Variants in BBS9 observed in about 807,000 individuals in gnomAD.
The protein encoded by BBS9 is protein PTHB1.
A neutral mutation model predicts 117.7 loss-of-function variants in BBS9; 89 were observed. The ratio of observed to expected loss-of-function variants is 0.76; its 90% CI spans 0.64 to 0.90. The LOEUF (loss-of-function observed/expected upper bound fraction) is 0.90. Ranked by LOEUF, BBS9 falls within the 40% of genes least tolerant of loss-of-function variation. The pLI, the probability that BBS9 is intolerant of heterozygous loss-of-function variation, is 0.00. For synonymous variants in BBS9, 379 were observed against 370.9 expected (o/e 1.02, Z -0.25); for missense variants, 982 against 1,042.2 (o/e 0.94, Z 0.80).
intron 19 of BBS9, among the ~76,000 whole-genome samples, chr7:33,418,988 C>T (rs912624851): frequency 4.6e-5 from 7 of 152,124 alleles, no homozygotes; most frequent in African/African-American, 1.7e-4. Flanking sequence ...TTTCTGCTCC[C>T]TGTAGCACTT....
Position 33,442,495 on chromosome 7 carries a change from T to C in BBS9, c.2115+54351T>C, listed in dbSNP as rs907898905. ...ACTTTGGAAACATTTCATCAAATTA[T>C]TACGTTTGTAGTGGAATTGAGGGGT... On this transcript the variant is annotated intron_variant, in intron 19 of 22. Transcript: ENST00000242067. Among the ~76,000 whole-genome samples, 25 of 152,336 alleles carry C rather than the reference T, an allele frequency of 1.6e-4. No individual in the cohort carries two copies. In the South Asian group the frequency reaches 5.0e-3, roughly 30 times the overall value.
intron 16 of BBS9, among the ~76,000 whole-genome samples, chr7:33,358,526 T>G (rs866870292): frequency 1.1e-4 from 17 of 151,914 alleles, no homozygotes; most frequent in South Asian, 2.1e-4. Flanking sequence ...GGGTTTCATA[T>G]TTAATGCTTC....
intron 12 of BBS9, among the ~76,000 whole-genome samples, chr7:33,346,580 C>CT (rs1817631894): frequency 6.6e-6 from 1 of 152,096 alleles, no homozygotes; most frequent in Non-Finnish European, 1.5e-5. Flanking sequence ...GTCTTTAACT[C>CT]TTTTTTGGCT....
At chr7:33,322,604 A>G (rs1256987355) in intron 9 of BBS9, among the ~76,000 whole-genome samples, 1 of 151,718 alleles carries the variant, frequency 6.6e-6, no homozygotes, top group East Asian at 1.9e-4. Flanking sequence ...TTAATCTCTG[A>G]TTTTACTTAT....
intron 5 of BBS9, among the ~76,000 whole-genome samples, chr7:33,201,115 C>T (rs2128210474): frequency 6.6e-6 from 1 of 152,086 alleles, no homozygotes; most frequent in East Asian, 1.9e-4. Context: ...GTTTTTTTCA[C>T]TCCTATTTGG....
intron 19 of BBS9, among the ~76,000 whole-genome samples, chr7:33,429,350 TC>T (rs1317955287): frequency 6.6e-6 from 1 of 152,176 alleles, no homozygotes; most frequent in African/African-American, 2.4e-5. Flanking sequence ...ACTCTGAATC[TC>T]CTTTTGCCTG....
At chr7:33,524,812 G>C (rs1381324199) in intron 20 of BBS9, among the ~76,000 whole-genome samples, 1 of 151,984 alleles carries the variant, frequency 6.6e-6, no homozygotes, top group East Asian at 1.9e-4. Flanking sequence ...GTTTGCTCTT[G>C]CTTTTCTAGT....
chr7:33,333,181 A>G (rs899084009), intron 9 of BBS9, among the ~76,000 whole-genome samples: 1 of 152,054 alleles, frequency 6.6e-6, no homozygotes. Context: ...ACTGTACCCA[A>G]TATATAGCCT....
intron 9 of BBS9, among the ~76,000 whole-genome samples, chr7:33,331,576 A>T (rs554739672): frequency 1.3e-5 from 2 of 151,264 alleles, no homozygotes; most frequent in Admixed American, 1.3e-4. Flanking sequence ...TACAAAATCA[A>T]TGTACGTAGA....
chr7:33,510,727 T>A (rs952466666), intron 20 of BBS9, among the ~76,000 whole-genome samples: 1 of 152,186 alleles, frequency 6.6e-6, no homozygotes, highest in African/African-American at 2.4e-5. Flanking sequence ...AGCTACCCAA[T>A]AGCCACATGT....
At chr7:33,513,122 A>C (rs1458493563) in intron 20 of BBS9, among the ~76,000 whole-genome samples, 3 of 151,404 alleles carry the variant, frequency 2.0e-5, no homozygotes, top group Admixed American at 1.3e-4. Context: ...ATTTTATGTG[A>C]CTCCCCGGCT....
intron 21 of BBS9, among the ~76,000 whole-genome samples, chr7:33,568,874 G>A (rs1431676233): frequency 1.3e-5 from 2 of 152,152 alleles, no homozygotes; most frequent in East Asian, 3.9e-4. Context: ...AAAGAGATTG[G>A]TTACCTATAG....
chr7:33,589,592 A>G (rs527606322), intron 21 of BBS9, among the ~76,000 whole-genome samples: 2 of 152,232 alleles, frequency 1.3e-5, no homozygotes, highest in South Asian at 2.1e-4. Flanking sequence ...TGTGAGAGGA[A>G]GAAGGGAATT....
rs554628054 is a variant in BBS9, at chr7:33,368,782, A to C, written c.1789+920A>C. 7.0e-4 allele frequency among the ~76,000 whole-genome samples: 107 copies of C among 152,280 alleles called. 2 individuals are homozygous for C. In the South Asian group the frequency reaches 0.021, roughly 30 times the overall value. On this transcript the variant is annotated intron_variant, in intron 17 of 22. Coordinates refer to ENST00000242067, the MANE Select transcript of BBS9 (RefSeq NM_198428.3). ...AGGCCATCTGTTTTTGAAAAAGAAAAGTATTAGCAGGAGGAACAGACATCC... is the reference window on the plus strand; with the variant it reads ...AGGCCATCTGTTTTTGAAAAAGAAACGTATTAGCAGGAGGAACAGACATCC...
At chr7:33,390,227 C>T in intron 19 of BBS9, 1 of 984,954 alleles carries the variant, frequency 1.0e-6, no homozygotes, top group African/African-American at 1.7e-5. Flanking sequence ...GATGCTGTAT[C>T]TTTTTGTAGA....
intron 9 of BBS9, among the ~76,000 whole-genome samples, chr7:33,291,251 T>C (rs1367727472): frequency 6.6e-6 from 1 of 152,180 alleles, no homozygotes; most frequent in Non-Finnish European, 1.5e-5. Context: ...TTATTTATCT[T>C]AACTCTTTTT....
At chr7:33,396,356 A>G (rs577235653) in intron 19 of BBS9, among the ~76,000 whole-genome samples, 1 of 152,280 alleles carries the variant, frequency 6.6e-6, no homozygotes, top group East Asian at 1.9e-4. Flanking sequence ...AACCGGAATG[A>G]TATAAAACAT....
chr7:33,334,746 T>G (rs1814936783), intron 9 of BBS9, among the ~76,000 whole-genome samples: 1 of 152,212 alleles, frequency 6.6e-6, no homozygotes. Flanking sequence ...TCTTACCTTC[T>G]CATTTTACAT....
chr7:33,627,310 C>T (rs1241639263), intron 21 of BBS9, among the ~76,000 whole-genome samples: 3 of 152,248 alleles, frequency 2.0e-5, no homozygotes, highest in Non-Finnish European at 2.9e-5. Context: ...GCTTGGGAGC[C>T]TCTGCCTAGA....
Sources: gnomAD v4.1 joint callset for allele counts (sites outside exome capture counted in the v4.1 genomes callset) on GRCh38, gnomAD v4.1.1 for gene constraint, MANE v1.5 for transcripts, NCBI Gene and HGNC (gene_info 2026-07-23, HGNC 2026-07-21) for gene names.